Variants in RASAL2 observed in about 807,000 individuals in gnomAD.
RASAL2 encodes the protein ras GTPase-activating protein nGAP.
A neutral mutation model predicts 128.9 loss-of-function variants in RASAL2; 58 were observed. The observed-to-expected ratio is 0.45, with a 90% CI of 0.36 to 0.56. The LOEUF (loss-of-function observed/expected upper bound fraction) is 0.56, where lower values mean the gene tolerates loss of function less well. Ranked by LOEUF, RASAL2 falls within the 20% of genes least tolerant of loss-of-function variation. The pLI, the probability that RASAL2 is intolerant of heterozygous loss-of-function variation, is 0.00. For synonymous variants in RASAL2, 561 were observed against 580.8 expected (o/e 0.97, Z 0.49); for missense variants, 1,360 against 1,601.6 (o/e 0.85, Z 2.57).
chr1:178,243,330 C>T (rs1445505176), intron 1 of RASAL2, among the ~76,000 whole-genome samples: 1 of 152,154 alleles, frequency 6.6e-6, no homozygotes, highest in Non-Finnish European at 1.5e-5. Flanking sequence ...CTCTAGGAGG[C>T]AGAAGGGAAT....
intron 4 of RASAL2, among the ~76,000 whole-genome samples, chr1:178,400,630 C>G (rs968100820): frequency 1.2e-4 from 18 of 151,912 alleles, no homozygotes; most frequent in African/African-American, 4.1e-4. Context: ...AAAATTTTTG[C>G]TCTTTAAAAG....
intron 17 of RASAL2, among the ~76,000 whole-genome samples, chr1:178,467,864 A>T (rs1431915805): frequency 6.6e-6 from 1 of 152,216 alleles, no homozygotes; most frequent in Non-Finnish European, 1.5e-5. Flanking sequence ...ATTGCCAGGG[A>T]AAGACAAGGT....
In RASAL2 at chr1:178,470,590, A is replaced by G. The variant is rs73037564; in HGVS notation, c.3679-2485A>G. The G allele has an allele frequency of 5.4e-3, 4,892 of 907,608 alleles. 126 individuals are homozygous for G. The African/African-American group carries it at 0.063, about 12-fold the overall frequency. The allele number at this position is 907,608 out of a possible 1,614,324, so 56.2% of individuals were successfully genotyped here. ...ACACTGTGGCTCCCAGGATCTCTCT[A>G]TGTGACTCAGGTGGAGAACAGAGAA... On this transcript the variant is annotated intron_variant, in intron 17 of 17. Transcript: ENST00000367649.
chr1:178,103,479 C>G (rs566229079), intron 1 of RASAL2, among the ~76,000 whole-genome samples: 4 of 151,872 alleles, frequency 2.6e-5, no homozygotes, highest in Non-Finnish European at 5.9e-5. Context: ...GTACTTCGCC[C>G]GCAATATATG....
chr1:178,412,694 G>A (rs537169704), intron 4 of RASAL2, among the ~76,000 whole-genome samples: 4 of 152,086 alleles, frequency 2.6e-5, no homozygotes, highest in Admixed American at 6.5e-5. Context: ...CCATCCCCTC[G>A]AAAGTTTAAA....
Position 178,162,377 on chromosome 1 carries a change from ATTTATAT to A in RASAL2, c.202+67684_202+67690del, listed in dbSNP as rs1457090696. On this transcript the variant is annotated intron_variant, in intron 1 of 17. Transcript: ENST00000367649. ...AATATATAATATACATATAATATAT[ATTTATAT>A]ATTATATATATTATATATTTTATAT... Among the ~76,000 whole-genome samples the A allele has an allele frequency of 1.7e-3, 205 of 120,234 alleles. 1 individual carries two copies. The highest frequency in any genetic ancestry group is 6.5e-3 in the African/African-American group (198 of 30,450). The allele number at this position is 120,234 out of a possible 152,430, so 78.9% of individuals were successfully genotyped here. A position where few individuals can be genotyped will look rare whatever the true frequency, so the allele number is the denominator to read the frequency against.
intron 2 of RASAL2, among the ~76,000 whole-genome samples, chr1:178,285,103 C>CTTTTTTTT (rs58901015): frequency 5.4e-4 from 44 of 81,940 alleles, no homozygotes; most frequent in African/African-American, 1.5e-3. Context: ...TTGCTACTTT[C>CTTTTTTTT]TTTTTTTTTT....
At chr1:178,461,810 C>T (rs187216273) in intron 14 of RASAL2, among the ~76,000 whole-genome samples, 1 of 152,278 alleles carries the variant, frequency 6.6e-6, no homozygotes, top group East Asian at 1.9e-4. Context: ...TTATGGGAAT[C>T]CGACTATTTC....
At chr1:178,386,443 A>G (rs1672571736) in intron 3 of RASAL2, among the ~76,000 whole-genome samples, 1 of 152,190 alleles carries the variant, frequency 6.6e-6, no homozygotes, top group African/African-American at 2.4e-5. Context: ...AGCTGCTAAG[A>G]AAAACATCCA....
intron 3 of RASAL2, among the ~76,000 whole-genome samples, chr1:178,331,001 CTTTG>C (rs1279536123): frequency 2.0e-5 from 3 of 152,084 alleles, no homozygotes; most frequent in Non-Finnish European, 2.9e-5. Flanking sequence ...TATTATGCCT[CTTTG>C]TTTGTTTGCC....
At chr1:178,267,516 G>T (rs1169733595) in intron 1 of RASAL2, among the ~76,000 whole-genome samples, 1 of 130,100 alleles carries the variant, frequency 7.7e-6, no homozygotes, top group Non-Finnish European at 1.7e-5. Flanking sequence ...CTTTTTTCCT[G>T]TTTGTTTAGT....
rs746366071 is a variant in RASAL2 at position 178,454,584 on chromosome 1, A to G, written c.2147A>G (p.Asp716Gly). The change falls in exon 12 of 18, where the codon GAT (aspartate) becomes GGT (glycine). Residue 716 changes from aspartate to glycine, a missense_variant. Physicochemically the swap from Asp to Gly is moderately conservative, Grantham distance 94 (BLOSUM62 -1). Around this residue, in one of 3 missense-constraint regions of RASAL2, gnomAD observed 741 missense variants for 868.6 expected, o/e 0.85. Coordinates refer to ENST00000367649, the MANE Select transcript of RASAL2 (RefSeq NM_170692.4). ...ACCCCAGGCTTTGATGGTTACATTG[A>G]TCTGGGCCGAGAGCTTTCAGTTTTG... ...SNTPGFDGYI[D>G]LGRELSVLHS... 2 of 1,613,916 alleles carry G rather than the reference A, an allele frequency of 1.2e-6. No individual in the cohort carries two copies. The highest frequency in any genetic ancestry group is 1.1e-5 in the South Asian group (1 of 91,068).
chr1:178,165,963 A>G (rs565187771), intron 1 of RASAL2, among the ~76,000 whole-genome samples: 1 of 152,026 alleles, frequency 6.6e-6, no homozygotes, highest in Non-Finnish European at 1.5e-5. Flanking sequence ...TATAAGCTGC[A>G]TTTCCCCCCC....
In RASAL2 at chr1:178,156,345, G is replaced by A. The variant is rs75073758; in HGVS notation, c.202+61651G>A. Among the ~76,000 whole-genome samples the A allele has an allele frequency of 1.8e-3, 281 of 152,260 alleles. 3 individuals are homozygous for A. Among genetic ancestry groups the A allele is most frequent in the East Asian group, 0.01 (53 of 5,184 alleles). The stretch of plus-strand genomic sequence containing the variant: ...TTATCTCTAAGTAAGGATTAATTGT[G>A]TGATTTCTACCCTTTTCCACTTCTC... On this transcript the variant is annotated intron_variant, in intron 1 of 17. Coordinates refer to ENST00000367649, the MANE Select transcript of RASAL2 (RefSeq NM_170692.4).
At chr1:178,358,347 A>G (rs1670927747) in intron 3 of RASAL2, among the ~76,000 whole-genome samples, 1 of 151,560 alleles carries the variant, frequency 6.6e-6, no homozygotes, top group African/African-American at 2.4e-5. Context: ...ACTTCTGTCC[A>G]TCTATAGACT....
chr1:178,131,087 A>G (rs1427045682), intron 1 of RASAL2, among the ~76,000 whole-genome samples: 1 of 150,202 alleles, frequency 6.7e-6, no homozygotes, highest in Non-Finnish European at 1.5e-5. Context: ...AAAAAAACCA[A>G]AAAAAAACAT....
intron 1 of RASAL2, among the ~76,000 whole-genome samples, chr1:178,113,562 G>A (rs1468563026): frequency 2.4e-5 from 3 of 126,906 alleles, no homozygotes; most frequent in Non-Finnish European, 5.2e-5. Flanking sequence ...GTGTGTGTGT[G>A]TGTAGAGGCA....
chr1:178,374,928 G>C (rs559314143), intron 3 of RASAL2, among the ~76,000 whole-genome samples: 12 of 152,084 alleles, frequency 7.9e-5, no homozygotes, highest in Non-Finnish European at 1.3e-4. Context: ...AGAAGTATAA[G>C]AAAAAGCTGC....
At chr1:178,254,826 A>G (rs1180279821) in intron 1 of RASAL2, among the ~76,000 whole-genome samples, 26 of 152,236 alleles carry the variant, frequency 1.7e-4, no homozygotes, top group Admixed American at 1.7e-3. Flanking sequence ...AAGCTCAGTG[A>G]ACTCCAAGTA....
Sources: gnomAD v4.1 joint callset for allele counts (sites outside exome capture counted in the v4.1 genomes callset) on GRCh38, gnomAD v4.1.1 for gene constraint, gnomAD v4.1.1 regional missense constraint, MANE v1.5 for transcripts, NCBI Gene and HGNC (gene_info 2026-07-23, HGNC 2026-07-21) for gene names.